The following MID1 variants were observed in gnomAD, a reference collection of about 807,000 sequenced individuals.
MID1 encodes the protein E3 ubiquitin-protein ligase Midline-1.
MID1 carries 7 observed loss-of-function variants against 40.4 expected under a neutral mutation model. The ratio of observed to expected loss-of-function variants is 0.17; its 90% CI spans 0.10 to 0.33. MID1 has a LOEUF of 0.33. Among genes scored for constraint, MID1 ranks in the 10% least tolerant of loss-of-function variants. The probability of loss-of-function intolerance (pLI) is 1.00; values close to 1 mark genes in which losing one functional copy is unlikely to be tolerated. For synonymous variants in MID1, 229 were observed against 221.2 expected (o/e 1.04, Z -0.31); for missense variants, 367 against 558.5 (o/e 0.66, Z 3.46).
At chrX:10,474,974 C>T (rs780882656) in intron 5 of MID1, 6 of 455,269 alleles carry the variant, frequency 1.3e-5, no homozygotes, top group Admixed American at 2.9e-5. Flanking sequence ...AATGGCTTGC[C>T]CTCTTCCTTT....
intron 1 of MID1, among the ~76,000 whole-genome samples, chrX:10,610,155 T>C (rs957425297): frequency 1.8e-5 from 2 of 112,363 alleles, no homozygotes; most frequent in Non-Finnish European, 3.8e-5. Flanking sequence ...TTTTCAGATA[T>C]CAGATAGGCA....
chrX:10,480,569 C>T (rs778111429), intron 5 of MID1, among the ~76,000 whole-genome samples: 18 of 112,104 alleles, frequency 1.6e-4, no homozygotes, highest in Non-Finnish European at 3.0e-4. Context: ...GTCCTAGGTA[C>T]ACTGGAGTAT....
intron 1 of MID1, among the ~76,000 whole-genome samples, chrX:10,784,284 T>A (rs1403746448): frequency 1.8e-5 from 2 of 111,041 alleles, no homozygotes; most frequent in Non-Finnish European, 3.8e-5. Flanking sequence ...CAAAAGTGAA[T>A]GGGAAACGTA....
chrX:10,782,110 C>T (rs1417411593), intron 1 of MID1, among the ~76,000 whole-genome samples: 1 of 112,257 alleles, frequency 8.9e-6, no homozygotes, highest in Admixed American at 9.4e-5. Context: ...TGCATCTCAG[C>T]GTAAAGTGAT....
At chrX:10,458,585 T>C (rs1252979052) in intron 8 of MID1, among the ~76,000 whole-genome samples, 1 of 112,231 alleles carries the variant, frequency 8.9e-6, no homozygotes, top group Non-Finnish European at 1.9e-5. Flanking sequence ...ATGGATTTCC[T>C]GTAAATCTAC....
At chrX:10,533,391 A>AGAAAGAAAGAAAAG (rs1156280706) in intron 2 of MID1, among the ~76,000 whole-genome samples, 2 of 55,081 alleles carry the variant, frequency 3.6e-5, no homozygotes, top group East Asian at 1.5e-3. Flanking sequence ...AGAAAGAAAG[A>AGAAAGAAAGAAAAG]AAAGAAAGAA....
At chrX:10,501,753 T>G (rs1362574399) in intron 3 of MID1, among the ~76,000 whole-genome samples, 1 of 111,439 alleles carries the variant, frequency 9.0e-6, no homozygotes, top group Non-Finnish European at 1.9e-5. Flanking sequence ...ACCTTCCCTT[T>G]CTAGAAATGC....
In MID1 at chrX:10,705,112, T is replaced by C. The variant is rs147993336; in HGVS notation, c.-186-84693A>G. 5.0e-3 allele frequency among the ~76,000 whole-genome samples: 555 copies of C among 111,985 alleles called. 1 individual carries two copies. The highest frequency in any genetic ancestry group is 8.2e-3 in the Non-Finnish European group (438 of 53,149). On this transcript the variant is annotated intron_variant, in intron 1 of 10. Coordinates refer to the MID1 transcript ENST00000380785. ...AATGACACATAAAGAAAAAAGAAGATAATAATCACCTAGCCTTTTTTCTTT... is the reference window on the plus strand; with the variant it reads ...AATGACACATAAAGAAAAAAGAAGACAATAATCACCTAGCCTTTTTTCTTT...
At chrX:10,681,172 A>C (rs2043058179) in intron 1 of MID1, among the ~76,000 whole-genome samples, 1 of 110,990 alleles carries the variant, frequency 9.0e-6, no homozygotes, top group African/African-American at 3.3e-5. Context: ...GTGACAATAA[A>C]AATGTCTAAA....
chrX:10,749,059 T>C (rs1193001264), intron 1 of MID1, among the ~76,000 whole-genome samples: 2 of 111,667 alleles, frequency 1.8e-5, no homozygotes, highest in African/African-American at 3.3e-5. Context: ...GAGTGCTTTG[T>C]ATATCTTAAT....
chrX:10,545,855 G>A (rs1933662132), intron 2 of MID1, among the ~76,000 whole-genome samples: 1 of 111,964 alleles, frequency 8.9e-6, no homozygotes, highest in African/African-American at 3.2e-5. Flanking sequence ...GTTCATAGTA[G>A]TCATGATTCT....
Position 10,768,673 on chromosome X carries a change from T to G in MID1, c.-187+64881A>C, listed in dbSNP as rs746702185. ...AGGACCCTCACTCTCCTCCTCACTT[T>G]TAGAGAAAGAACACTTTCCCCAGTG... On this transcript the variant is annotated intron_variant, in intron 1 of 10. Coordinates refer to the MID1 transcript ENST00000380785. 6.2e-5 allele frequency among the ~76,000 whole-genome samples: 7 copies of G among 112,068 alleles called. No homozygotes were observed. In the South Asian group the frequency reaches 2.6e-3, roughly 42 times the overall value.
chrX:10,780,253 A>C (rs1417104402), intron 1 of MID1, among the ~76,000 whole-genome samples: 1 of 111,860 alleles, frequency 8.9e-6, no homozygotes, highest in Non-Finnish European at 1.9e-5. Flanking sequence ...GGCATGAGAC[A>C]CCATGCCAGG....
At chrX:10,712,120 T>A (rs2043271938) in intron 1 of MID1, among the ~76,000 whole-genome samples, 2 of 111,863 alleles carry the variant, frequency 1.8e-5, no homozygotes, top group African/African-American at 6.5e-5. Flanking sequence ...CAGTTAAAAG[T>A]AGGTAGTCTG....
intron 1 of MID1, among the ~76,000 whole-genome samples, chrX:10,576,146 C>A (rs899548338): frequency 3.6e-5 from 4 of 110,730 alleles, no homozygotes; most frequent in Non-Finnish European, 5.7e-5. Context: ...TATTTTTTTA[C>A]CTCATATCTG....
chrX:10,597,326 T>C (rs1935431815), intron 1 of MID1, among the ~76,000 whole-genome samples: 1 of 111,871 alleles, frequency 8.9e-6, no homozygotes, highest in Non-Finnish European at 1.9e-5. Context: ...TGATTTTTCA[T>C]GTGTAAAGAT....
chrX:10,793,185 C>G (rs1022829213), intron 1 of MID1, among the ~76,000 whole-genome samples: 1 of 112,609 alleles, frequency 8.9e-6, no homozygotes, highest in Non-Finnish European at 1.9e-5. Flanking sequence ...GTCATGGACA[C>G]CTGATCTGCT....
chrX:10,539,887 G>A lies in MID1; in HGVS notation c.661-16700C>T, dbSNP rs899352166. On this transcript the variant is annotated intron_variant, in intron 2 of 9. Coordinates refer to ENST00000317552, the MANE Select transcript of MID1 (RefSeq NM_000381.4). ...AGCCTCCTGAGTAGCTGGGACCACA[G>A]GTAGGTGCCACCATGCCTGGCTAAT... Among the ~76,000 whole-genome samples the A allele has an allele frequency of 2.7e-5, 3 of 112,173 alleles. No individual in the cohort carries two copies. The Admixed American group carries it at 2.8e-4, about 11-fold the overall frequency.
intron 1 of MID1, among the ~76,000 whole-genome samples, chrX:10,585,227 T>C (rs1935113260): frequency 9.0e-6 from 1 of 111,321 alleles, no homozygotes; most frequent in Middle Eastern, 4.6e-3. Context: ...TTCTCTTTCC[T>C]TTTCTGAGTA....
Sources: gnomAD v4.1 joint callset for allele counts (sites outside exome capture counted in the v4.1 genomes callset) on GRCh38, gnomAD v4.1.1 for gene constraint, MANE v1.5 for transcripts, NCBI Gene and HGNC (gene_info 2026-07-23, HGNC 2026-07-21) for gene names.